SYS1: variants seen among roughly 807,000 people sequenced by gnomAD.
SYS1 encodes the protein SYS1 golgi trafficking protein, also known as protein SYS1 homolog.
In SYS1, 8 loss-of-function variants were observed where a neutral mutation model predicts 17.8. The ratio of observed to expected loss-of-function variants is 0.45; its 90% CI spans 0.26 to 0.81. The LOEUF (loss-of-function observed/expected upper bound fraction) is 0.81. Among genes scored for constraint, SYS1 ranks in the 40% least tolerant of loss-of-function variants. The probability of loss-of-function intolerance (pLI) is 0.16; values close to 1 mark genes in which losing one functional copy is unlikely to be tolerated. For synonymous variants in SYS1, 95 were observed against 90.9 expected (o/e 1.05, Z -0.26); for missense variants, 161 against 203.9 (o/e 0.79, Z 1.28).
In SYS1 at chr20:45,368,551, CCTGA is replaced by C; in HGVS notation, c.*1439_*1442del. On this transcript the variant is annotated 3_prime_UTR_variant, in exon 4 of 4. Coordinates refer to ENST00000243918, the MANE Select transcript of SYS1 (RefSeq NM_033542.4). ...TCTCTCTGAGAAGCTCATCTGACCTCCTGACTCTCAGCCCTACAGAGTAGGGAGT... is the reference window on the plus strand; with the variant it reads ...TCTCTCTGAGAAGCTCATCTGACCTCCTCTCAGCCCTACAGAGTAGGGAGT... The C allele has an allele frequency of 1.0e-6, 1 of 985,428 alleles. No homozygotes were observed. The highest frequency in any genetic ancestry group is 4.7e-5 in the South Asian group (1 of 21,286). 61.0% of individuals were successfully genotyped at this position (985,428 alleles called of 1,614,324 possible).
Position 45,366,858 on chromosome 20 carries a change from C to T in SYS1, c.231-17C>T. ...AGGACAACCCAGTGACAACTCACTG[C>T]TGTCCTCTCCCCACAGTGCCCTGGG... On this transcript the variant is annotated splice_polypyrimidine_tract_variant and intron_variant, in intron 3 of 3. Transcript: ENST00000243918. 2.5e-6 allele frequency: 4 copies of T among 1,608,864 alleles called. No individual in the cohort carries two copies. The highest frequency in any genetic ancestry group is 3.4e-6 in the Non-Finnish European group (4 of 1,175,310).
At chr20:45,375,353 C>G (rs755727531) in exon 4 of SYS1, 3 of 1,614,172 alleles carry the variant, frequency 1.9e-6, no homozygotes, top group Non-Finnish European at 2.5e-6. Context: ...ATATGCTTTT[C>G]TTTCCGTGGC....
chr20:45,372,687 A>G (rs906771008), downstream of SYS1: 3 of 152,252 alleles, frequency 2.0e-5, no homozygotes, highest in African/African-American at 7.2e-5. Flanking sequence ...AAGACCGCTG[A>G]AAGTGGTTAC....
chr20:45,365,265 A>G (rs796663637), intron 2 of SYS1: 5 of 378,390 alleles, frequency 1.3e-5, no homozygotes, highest in African/African-American at 6.2e-5. Flanking sequence ...CTGTGTTTCA[A>G]TAAAACCTTA....
At chr20:45,362,697 T>G (rs946744213), upstream of SYS1, among the ~76,000 whole-genome samples, 2 of 152,218 alleles carry the variant, frequency 1.3e-5, no homozygotes, top group African/African-American at 2.4e-5. Context: ...ACTTTGCTAC[T>G]AACTGTGTCG....
intron 2 of SYS1, among the ~76,000 whole-genome samples, chr20:45,364,626 T>C (rs1045667042): frequency 2.6e-5 from 4 of 151,586 alleles, no homozygotes; most frequent in Non-Finnish European, 5.9e-5. Flanking sequence ...CGCCCGCCAC[T>C]ACGCCCGGCT....
intron 3 of SYS1, among the ~76,000 whole-genome samples, chr20:45,366,413 G>A (rs1223737177): frequency 5.3e-5 from 8 of 152,096 alleles, no homozygotes; most frequent in Non-Finnish European, 1.0e-4. Context: ...GGTTCTATTT[G>A]GCTTACATAG....
chr20:45,367,403 T>G lies in SYS1; in HGVS notation c.*288T>G. The G allele has an allele frequency of 8.1e-7, 1 of 1,229,444 alleles. No homozygotes were observed. 76.2% of individuals were successfully genotyped at this position (1,229,444 alleles called of 1,614,324 possible). A position where few individuals can be genotyped will look rare whatever the true frequency, so the allele number is the denominator to read the frequency against. ...GAACCATGCCACTCTTGAGCCACAA[T>G]ACCTGTCACCAGCCTGTTGTTTTAA... On this transcript the variant is annotated 3_prime_UTR_variant, in exon 4 of 4. Coordinates refer to ENST00000243918, the MANE Select transcript of SYS1 (RefSeq NM_033542.4).
chr20:45,367,278 A>G lies in SYS1; in HGVS notation c.*163A>G, dbSNP rs1988448659. The G allele has an allele frequency of 1.4e-6, 2 of 1,445,902 alleles. No homozygotes were observed. Among genetic ancestry groups the G allele is most frequent in the Admixed American group, 2.8e-5 (1 of 35,826 alleles). The allele number at this position is 1,445,902 out of a possible 1,614,324, so 89.6% of individuals were successfully genotyped here. ...TGAGGGCCTGTCAAAGAAGGCAGGT[A>G]GCAGTCAGCATGACAGCTGCAAGAA... On this transcript the variant is annotated 3_prime_UTR_variant, in exon 4 of 4. Transcript: ENST00000243918.
exon 4 of SYS1, chr20:45,375,405 C>T (rs770403488): frequency 1.2e-6 from 2 of 1,614,222 alleles, no homozygotes; most frequent in Admixed American, 3.3e-5. Flanking sequence ...TCATCCCTGA[C>T]TGCACCTGGG....
chr20:45,374,046 C>G (rs750530518), downstream of SYS1: 1 of 1,606,142 alleles, frequency 6.2e-7, no homozygotes, highest in Non-Finnish European at 8.5e-7. Context: ...GGCGCTAAGA[C>G]TGTCCCCAGG....
At chr20:45,371,160 T>C (rs1988552908), downstream of SYS1, among the ~76,000 whole-genome samples, 1 of 152,146 alleles carries the variant, frequency 6.6e-6, no homozygotes, top group Non-Finnish European at 1.5e-5. Context: ...TGGGTTTTGT[T>C]TTGTCTTGTT....
At chr20:45,374,006 A>G, downstream of SYS1, 1 of 1,613,982 alleles carries the variant, frequency 6.2e-7, no homozygotes, top group Non-Finnish European at 8.5e-7. Flanking sequence ...TCCAGGTCAC[A>G]TCAACCTGCC....
downstream of SYS1, among the ~76,000 whole-genome samples, chr20:45,370,764 A>C (rs1988544755): frequency 6.6e-6 from 1 of 152,140 alleles, no homozygotes; most frequent in South Asian, 2.1e-4. Context: ...TTGTACCGGC[A>C]GCCCAGGGAC....
exon 4 of SYS1, chr20:45,374,984 G>T: frequency 3.8e-6 from 6 of 1,568,518 alleles, no homozygotes; most frequent in Non-Finnish European, 4.3e-6. Flanking sequence ...CCAGCTCTGG[G>T]CCTGGCTTGG....
upstream of SYS1, chr20:45,363,138 C>T (rs1445153017): frequency 2.9e-6 from 3 of 1,019,034 alleles, no homozygotes; most frequent in African/African-American, 5.2e-5. Context: ...CCCTCCGCTG[C>T]TTTCCCCGGA....
At chr20:45,373,466 T>C (rs191746634), downstream of SYS1, 28 of 220,936 alleles carry the variant, frequency 1.3e-4, no homozygotes, top group East Asian at 2.2e-3. Flanking sequence ...CTATTCCGCC[T>C]GCCTCGTGAC....
At chr20:45,373,542 G>C, downstream of SYS1, 1 of 299,258 alleles carries the variant, frequency 3.3e-6, no homozygotes, top group Non-Finnish European at 6.4e-6. Flanking sequence ...GCAACCAGGA[G>C]CCCTTGCTCC....
At chr20:45,373,992 C>G, downstream of SYS1, 1 of 1,614,092 alleles carries the variant, frequency 6.2e-7, no homozygotes, top group Non-Finnish European at 8.5e-7. Context: ...ACCTCTGGCT[C>G]TCGTCCAGGT....
Sources: allele counts gnomAD v4.1 joint callset (sites outside exome capture counted in the v4.1 genomes callset), GRCh38; gene constraint gnomAD v4.1.1; transcripts MANE v1.5; gene names NCBI Gene and HGNC (gene_info 2026-07-23, HGNC 2026-07-21).